Variants in RTN3 observed in about 807,000 individuals in gnomAD.
The protein encoded by RTN3 is reticulon-3.
A neutral mutation model predicts 77.8 loss-of-function variants in RTN3; 49 were observed. The ratio of observed to expected loss-of-function variants is 0.63; its 90% CI spans 0.50 to 0.80. RTN3 has a LOEUF of 0.80. Ranked by LOEUF, RTN3 falls within the 30% of genes least tolerant of loss-of-function variation. RTN3 has a pLI of 0.00. For synonymous variants in RTN3, 464 were observed against 446.9 expected (o/e 1.04, Z -0.48); for missense variants, 1,236 against 1,211.9 (o/e 1.02, Z -0.29).
intron 3 of RTN3, among the ~76,000 whole-genome samples, chr11:63,723,300 G>A (rs950114882): frequency 2.0e-5 from 3 of 151,670 alleles, no homozygotes; most frequent in African/African-American, 4.8e-5. Context: ...TTTTAAAATT[G>A]TCTTATTTAT....
chr11:63,755,975 TA>T, intron 7 of RTN3, 136 bp from the exon 8 acceptor site: 1 of 635,748 alleles, frequency 1.6e-6, no homozygotes, highest in Non-Finnish European at 2.8e-6. Context: ...AAAAAACTTT[TA>T]AAAACTGGGT....
chr11:63,745,153 G>A (rs1420752535), intron 3 of RTN3, among the ~76,000 whole-genome samples: 1 of 152,080 alleles, frequency 6.6e-6, no homozygotes, highest in Admixed American at 6.6e-5. Flanking sequence ...TCTCCCCCAA[G>A]GTATTAGAGA....
chr11:63,713,120 T>A (rs1189564747), intron 2 of RTN3, among the ~76,000 whole-genome samples: 1 of 152,102 alleles, frequency 6.6e-6, no homozygotes, highest in Non-Finnish European at 1.5e-5. Context: ...GAATTTTTTA[T>A]TTGGGTCTAA....
intron 8 of RTN3, among the ~76,000 whole-genome samples, chr11:63,756,464 A>C (rs1329941963): frequency 1.3e-5 from 2 of 152,236 alleles, no homozygotes; most frequent in South Asian, 4.2e-4. Context: ...GCTTGATCCC[A>C]GGAGTTCAAG....
intron 2 of RTN3, among the ~76,000 whole-genome samples, chr11:63,707,813 G>A (rs976989406): frequency 2.6e-5 from 4 of 152,064 alleles, no homozygotes; most frequent in African/African-American, 9.7e-5. Context: ...ACTCCAGCTT[G>A]GGCGAAAGAG....
At chr11:63,689,988 C>G (rs1483950569) in intron 1 of RTN3, among the ~76,000 whole-genome samples, 2 of 152,022 alleles carry the variant, frequency 1.3e-5, no homozygotes, top group East Asian at 3.9e-4. Context: ...GAACTCCTGA[C>G]CTCAAGTGAA....
chr11:63,685,956 A>G (rs1941346909), intron 1 of RTN3, among the ~76,000 whole-genome samples: 1 of 152,202 alleles, frequency 6.6e-6, no homozygotes, highest in African/African-American at 2.4e-5. Flanking sequence ...TAGTATGCTT[A>G]GAGATGGGGA....
chr11:63,739,150 T>C (rs2013319195), intron 3 of RTN3, among the ~76,000 whole-genome samples: 1 of 152,178 alleles, frequency 6.6e-6, no homozygotes, highest in African/African-American at 2.4e-5. Flanking sequence ...GTGCAGACAT[T>C]CCTTGTCAGA....
intron 3 of RTN3, among the ~76,000 whole-genome samples, chr11:63,736,665 A>G (rs532973402): frequency 1.3e-5 from 2 of 152,262 alleles, no homozygotes; most frequent in African/African-American, 2.4e-5. Context: ...TCCAGCCTGG[A>G]TGACAGAGAC....
chr11:63,716,597 G>A lies in RTN3; in HGVS notation c.200-2105G>A, dbSNP rs567496431. 5.2e-4 allele frequency among the ~76,000 whole-genome samples: 79 copies of A among 152,334 alleles called. 1 individual carries two copies. The South Asian group carries it at 0.014, about 26-fold the overall frequency. ...TATAATCCCAGCACTTCAGGAGGCC[G>A]AGGTGGGCAGGTTGCTTGAGCCCAG... On this transcript the variant is annotated intron_variant, in intron 2 of 8. Coordinates refer to ENST00000377819, the MANE Select transcript of RTN3 (RefSeq NM_001265589.2).
chr11:63,721,619 T>C (rs1043712417), intron 3 of RTN3, among the ~76,000 whole-genome samples: 8 of 151,780 alleles, frequency 5.3e-5, no homozygotes, highest in African/African-American at 1.9e-4. Flanking sequence ...GCTCCAGTTA[T>C]ATTTCAAGGT....
rs1408552630 is a variant in RTN3, at chr11:63,707,583, T to C, written c.199+2676T>C. On this transcript the variant is annotated intron_variant, in intron 2 of 8. Coordinates refer to ENST00000377819, the MANE Select transcript of RTN3 (RefSeq NM_001265589.2). ...GCGCGGTGGCTCACACCTGTAATCCTAGCACTTTAGGAGGCTGAGGCAGGC... is the reference window on the plus strand; with the variant it reads ...GCGCGGTGGCTCACACCTGTAATCCCAGCACTTTAGGAGGCTGAGGCAGGC... Among the ~76,000 whole-genome samples, 3 of 152,154 alleles carry C rather than the reference T, an allele frequency of 2.0e-5. No individual in the cohort carries two copies. In the East Asian group the frequency reaches 5.8e-4, roughly 30 times the overall value.
At chr11:63,692,086 G>C (rs952901971) in intron 1 of RTN3, among the ~76,000 whole-genome samples, 8 of 152,000 alleles carry the variant, frequency 5.3e-5, no homozygotes, top group Non-Finnish European at 8.8e-5. Context: ...GCAGTGGCGC[G>C]ATCTTGGCTC....
chr11:63,754,925 C>A (rs79046385), intron 7 of RTN3, among the ~76,000 whole-genome samples: 1,503 of 96,782 alleles, frequency 0.016, no homozygotes, highest in Non-Finnish European at 0.016. Flanking sequence ...GACTCTGTCT[C>A]AAAAAAAAAA....
At chr11:63,750,255 C>A in intron 4 of RTN3, 57 bp downstream of exon 4, 1 of 1,409,744 alleles carries the variant, frequency 7.1e-7, no homozygotes, top group Non-Finnish European at 9.9e-7. Flanking sequence ...TTCACTGAAG[C>A]TGATAGGTCT....
At chr11:63,706,216 CTG>C (rs1170681474) in intron 2 of RTN3, among the ~76,000 whole-genome samples, 1 of 151,982 alleles carries the variant, frequency 6.6e-6, no homozygotes, top group Non-Finnish European at 1.5e-5. Context: ...GGGTCTCACT[CTG>C]TCACCCTGGC....
chr11:63,704,357 G>A (rs1334392833), intron 1 of RTN3, among the ~76,000 whole-genome samples: 1 of 151,916 alleles, frequency 6.6e-6, no homozygotes, highest in African/African-American at 2.4e-5. Flanking sequence ...TCTTCCCCAT[G>A]GATTAATTGT....
intron 3 of RTN3, among the ~76,000 whole-genome samples, chr11:63,721,819 A>C (rs939123733): frequency 3.9e-5 from 6 of 152,176 alleles, no homozygotes; most frequent in Non-Finnish European, 7.3e-5. Flanking sequence ...TGGGAAAGAT[A>C]GTAAATGAAA....
intron 3 of RTN3, among the ~76,000 whole-genome samples, chr11:63,735,596 C>CTCTCTCTT (rs2013059973): frequency 6.7e-6 from 1 of 148,264 alleles, no homozygotes; most frequent in African/African-American, 2.6e-5. Context: ...CTCTCTCTCT[C>CTCTCTCTT]TCTCTTTCTT....
Sources: allele counts gnomAD v4.1 joint callset (sites outside exome capture counted in the v4.1 genomes callset), GRCh38; gene constraint gnomAD v4.1.1; transcripts MANE v1.5; gene names NCBI Gene and HGNC (gene_info 2026-07-23, HGNC 2026-07-21).